The following OTUD7A variants were observed in gnomAD, a reference collection of about 807,000 sequenced individuals.
OTUD7A encodes OTU deubiquitinase 7A, also known as OTU domain-containing protein 7A.
In OTUD7A, 12 loss-of-function variants were observed where a neutral mutation model predicts 65.7. That is an observed-to-expected ratio of 0.18 (90% CI 0.12 to 0.30). OTUD7A has a LOEUF of 0.30. OTUD7A is among the 10% of genes least tolerant of loss of function. The pLI, the probability that OTUD7A is intolerant of heterozygous loss-of-function variation, is 1.00. For missense variants in OTUD7A, 1,148 were observed against 1,304.8 expected (o/e 0.88, Z 1.85); for synonymous variants, 641 against 586.3 (o/e 1.09, Z -1.35).
chr15:31,771,034 T>C (rs911798022), intron 1 of OTUD7A, among the ~76,000 whole-genome samples: 5 of 152,194 alleles, frequency 3.3e-5, no homozygotes, highest in African/African-American at 9.7e-5. Context: ...ATGGTCCACA[T>C]TGTACCAGAG....
intron 1 of OTUD7A, among the ~76,000 whole-genome samples, chr15:31,865,029 C>T (rs939366420): frequency 2.0e-5 from 2 of 99,064 alleles, no homozygotes; most frequent in Non-Finnish European, 4.8e-5. Flanking sequence ...CTTGTGGCCC[C>T]CCCCTGGGGT....
rs1891946008 is a variant in OTUD7A at position 31,654,974 on chromosome 15, G to A, written c.151+122C>T. On this transcript the variant is annotated intron_variant, in intron 3 of 12. Coordinates refer to ENST00000307050, the MANE Select transcript of OTUD7A (RefSeq NM_001382637.1). ...AATTTTGACTTAATATCGGTAAGAT[G>A]TAACACAAAGCAAAGCCCACTTAGT... 4.9e-6 allele frequency: 6 copies of A among 1,218,638 alleles called. No homozygotes were observed. In the East Asian group the frequency reaches 1.1e-4, roughly 22 times the overall value. 75.5% of individuals were successfully genotyped at this position (1,218,638 alleles called of 1,614,324 possible). A position where few individuals can be genotyped will look rare whatever the true frequency, so the allele number is the denominator to read the frequency against.
intron 8 of OTUD7A, among the ~76,000 whole-genome samples, chr15:31,516,301 T>C (rs915173981): frequency 3.9e-5 from 6 of 152,220 alleles, no homozygotes; most frequent in South Asian, 2.1e-4. Context: ...TGAGAGGTGA[T>C]GGAGGACAGC....
chr15:31,543,888 T>C (rs897734683), intron 5 of OTUD7A, among the ~76,000 whole-genome samples: 1 of 151,758 alleles, frequency 6.6e-6, no homozygotes, highest in Non-Finnish European at 1.5e-5. Context: ...AAAAACATAA[T>C]AAATGACCAA....
intron 1 of OTUD7A, among the ~76,000 whole-genome samples, chr15:31,719,366 C>T (rs1422877501): frequency 3.3e-5 from 5 of 151,898 alleles, no homozygotes; most frequent in Non-Finnish European, 7.4e-5. Flanking sequence ...TGCAGAGAGG[C>T]TGGTATTTCC....
At chr15:31,743,082 A>G (rs1894385809) in intron 1 of OTUD7A, among the ~76,000 whole-genome samples, 1 of 152,180 alleles carries the variant, frequency 6.6e-6, no homozygotes, top group Non-Finnish European at 1.5e-5. Flanking sequence ...AGAAGACCAG[A>G]ACATCATCAA....
At chr15:31,618,662 A>G (rs896995431) in intron 3 of OTUD7A, among the ~76,000 whole-genome samples, 3 of 152,056 alleles carry the variant, frequency 2.0e-5, no homozygotes, top group Admixed American at 2.0e-4. Context: ...TTCTTTGTAG[A>G]TTCTGGATAT....
At chr15:31,863,300 T>C (rs577310586) in intron 1 of OTUD7A, among the ~76,000 whole-genome samples, 2 of 152,240 alleles carry the variant, frequency 1.3e-5, no homozygotes, top group South Asian at 4.1e-4. Context: ...TTCTCATAGC[T>C]CCACTAGGCA....
At chr15:31,829,580 G>A (rs1303713401) in intron 1 of OTUD7A, among the ~76,000 whole-genome samples, 1 of 152,192 alleles carries the variant, frequency 6.6e-6, no homozygotes, top group Non-Finnish European at 1.5e-5. Context: ...GTAATGCGAG[G>A]CAAGTAAATG....
intron 1 of OTUD7A, among the ~76,000 whole-genome samples, chr15:31,869,372 T>C (rs909445659): frequency 2.6e-5 from 4 of 152,072 alleles, no homozygotes; most frequent in Admixed American, 6.5e-5. Flanking sequence ...AGGAGGAGGA[T>C]GGTGAAGGAC....
chr15:31,686,978 T>C (rs1444789732), intron 1 of OTUD7A, among the ~76,000 whole-genome samples: 2 of 152,200 alleles, frequency 1.3e-5, no homozygotes, highest in Non-Finnish European at 2.9e-5. Context: ...TTCATATTCG[T>C]GTGTAGCTTC....
At chr15:31,736,986 T>C (rs1292259935) in intron 1 of OTUD7A, among the ~76,000 whole-genome samples, 2 of 152,110 alleles carry the variant, frequency 1.3e-5, no homozygotes, top group African/African-American at 4.8e-5. Context: ...CATGCCCAGC[T>C]AATTTTTGTA....
chr15:31,728,243 C>T (rs547012856), intron 1 of OTUD7A, among the ~76,000 whole-genome samples: 3 of 152,282 alleles, frequency 2.0e-5, no homozygotes, highest in Non-Finnish European at 4.4e-5. Context: ...CCTTCTTTCA[C>T]GATGCATCAG....
intron 4 of OTUD7A, among the ~76,000 whole-genome samples, chr15:31,562,160 T>A (rs966310571): frequency 1.3e-5 from 2 of 152,194 alleles, no homozygotes; most frequent in Non-Finnish European, 2.9e-5. Context: ...TTTGTGGCTC[T>A]GGCACCTGGG....
intron 1 of OTUD7A, among the ~76,000 whole-genome samples, chr15:31,731,978 T>C (rs1894056726): frequency 6.6e-6 from 1 of 152,188 alleles, no homozygotes; most frequent in Admixed American, 6.5e-5. Flanking sequence ...GAAACTGTCC[T>C]AGTGCTTTGC....
At chr15:31,844,659 T>C (rs898305864) in intron 1 of OTUD7A, among the ~76,000 whole-genome samples, 4 of 152,210 alleles carry the variant, frequency 2.6e-5, no homozygotes, top group African/African-American at 9.7e-5. Context: ...CCTGATTCCA[T>C]AGCCAGTAAC....
In OTUD7A at chr15:31,475,923, C is replaced by G. The variant is rs1566872160; in HGVS notation, c.*7371G>C. The G allele has an allele frequency of 6.6e-6, 1 of 152,246 alleles. No individual in the cohort carries two copies. Among genetic ancestry groups the G allele is most frequent in the Admixed American group, 6.5e-5 (1 of 15,284 alleles). 9.4% of individuals were successfully genotyped at this position (152,246 alleles called of 1,614,324 possible). A position where few individuals can be genotyped will look rare whatever the true frequency, so the allele number is the denominator to read the frequency against. On this transcript the variant is annotated 3_prime_UTR_variant, in exon 13 of 13. Transcript: ENST00000307050. ...AAAAAAGAGGAACATTCACTGACTT[C>G]ATTAGGCCAAACGCACGTTTAATGG... is the stretch of plus-strand genomic sequence containing the variant.
At chr15:31,566,683 T>A (rs1229682141) in intron 4 of OTUD7A, among the ~76,000 whole-genome samples, 2 of 152,200 alleles carry the variant, frequency 1.3e-5, no homozygotes, top group Admixed American at 1.3e-4. Context: ...CCCTCATGAA[T>A]GTCTTGGACT....
intron 8 of OTUD7A, among the ~76,000 whole-genome samples, chr15:31,509,635 AT>A (rs2041646614): frequency 6.6e-6 from 1 of 152,012 alleles, no homozygotes; most frequent in Non-Finnish European, 1.5e-5. Flanking sequence ...AAAAATTCAT[AT>A]TTTTATGTCT....
Sources: allele counts gnomAD v4.1 joint callset (sites outside exome capture counted in the v4.1 genomes callset), GRCh38; gene constraint gnomAD v4.1.1; transcripts MANE v1.5; gene names NCBI Gene and HGNC (gene_info 2026-07-23, HGNC 2026-07-21).